The following TNIK variants were observed in gnomAD, a reference collection of about 807,000 sequenced individuals.
The protein encoded by TNIK is TRAF2 and NCK-interacting protein kinase.
In TNIK, 49 loss-of-function variants were observed where a neutral mutation model predicts 191.3. The observed-to-expected ratio is 0.26, with a 90% CI of 0.20 to 0.32. The LOEUF (loss-of-function observed/expected upper bound fraction) is 0.32, where lower values mean the gene tolerates loss of function less well. TNIK is among the 10% of genes least tolerant of loss of function. The pLI is 1.00. For missense variants in TNIK, 1,155 were observed against 1,702.3 expected, an observed-to-expected ratio of 0.68 and a Z score of 5.66; for synonymous variants, 594 against 600.9, an observed-to-expected ratio of 0.99 and a Z score of 0.17.
chr3:171,375,536 C>T (rs373808878), intron 1 of TNIK, among the ~76,000 whole-genome samples: 7 of 151,332 alleles, frequency 4.6e-5, no homozygotes, highest in African/African-American at 1.7e-4. Flanking sequence ...TTTCTTTCAG[C>T]TGATGAAATT....
intron 15 of TNIK, among the ~76,000 whole-genome samples, chr3:171,130,587 G>A (rs1729109079): frequency 6.6e-6 from 1 of 152,156 alleles, no homozygotes; most frequent in South Asian, 2.1e-4. Flanking sequence ...AGAAGAAAAA[G>A]TCCCACAAAG....
intron 1 of TNIK, among the ~76,000 whole-genome samples, chr3:171,400,457 T>C (rs1350230373): frequency 2.0e-5 from 3 of 151,926 alleles, no homozygotes; most frequent in Non-Finnish European, 4.4e-5. Flanking sequence ...TAGTCCCAGA[T>C]ACTTGGGAGG....
In TNIK at chr3:171,460,113, C is replaced by A; in HGVS notation, c.-50G>T. ...GACCAAAACCACCCCGAAGCTTTTC[C>A]CTTGGAAATTCCACCTTGGTCTATT... On this transcript the variant is annotated 5_prime_UTR_variant, in exon 1 of 33. Transcript: ENST00000436636. The surrounding 1 kb of genome is among the most constrained non-coding windows in gnomAD (Gnocchi z 6.8). 1 of 1,569,468 alleles carries A rather than the reference C, an allele frequency of 6.4e-7. No homozygotes were observed. Among genetic ancestry groups the A allele is most frequent in the South Asian group, 1.2e-5 (1 of 85,328 alleles).
intron 2 of TNIK, among the ~76,000 whole-genome samples, chr3:171,300,729 A>G (rs1157252623): frequency 6.6e-6 from 1 of 152,086 alleles, no homozygotes; most frequent in Non-Finnish European, 1.5e-5. Context: ...TCTTTTTATG[A>G]TTTTCTCAAC....
chr3:171,369,147 G>A lies in TNIK; in HGVS notation c.123+473C>T, dbSNP rs374213744. On this transcript the variant is annotated intron_variant, in intron 2 of 32. Coordinates refer to ENST00000436636, the MANE Select transcript of TNIK (RefSeq NM_015028.4). ...TTTTAATTATTTCCTAAAATTCGTC[G>A]CTGCTATTAAGCTTTTGCTTTGTGA... Among the ~76,000 whole-genome samples, 3 of 152,046 alleles carry A rather than the reference G, an allele frequency of 2.0e-5. No homozygotes were observed. In the South Asian group the frequency reaches 6.2e-4, roughly 32 times the overall value.
chr3:171,319,508 G>C lies in TNIK; in HGVS notation c.123+50112C>G, dbSNP rs1181567141. 2.3e-4 allele frequency among the ~76,000 whole-genome samples: 35 copies of C among 151,802 alleles called. 1 individual carries two copies. The highest frequency in any genetic ancestry group is 2.3e-3 in the Admixed American group (35 of 15,250). On this transcript the variant is annotated intron_variant, in intron 2 of 32. Coordinates refer to ENST00000436636, the MANE Select transcript of TNIK (RefSeq NM_015028.4). The stretch of plus-strand genomic sequence containing the variant: ...TTTTTTAATAGCTTTGGGAAGATTT[G>C]GGGGAAAAAAAAAGAGTTTCAGAGC...
chr3:171,127,666 T>A (rs1008676136), intron 16 of TNIK, among the ~76,000 whole-genome samples: 1 of 152,156 alleles, frequency 6.6e-6, no homozygotes, highest in Non-Finnish European at 1.5e-5. Context: ...AAAATGTATC[T>A]TTTTGAGGGT....
chr3:171,109,622 G>T (rs542810133), intron 19 of TNIK, among the ~76,000 whole-genome samples: 7 of 152,264 alleles, frequency 4.6e-5, no homozygotes, highest in Non-Finnish European at 1.0e-4. Flanking sequence ...TTCTCATGAG[G>T]CTTTCATCAG....
intron 7 of TNIK, 65 bp from the exon 8 acceptor site, chr3:171,177,445 G>C (rs1482502425): frequency 6.5e-7 from 1 of 1,540,362 alleles, no homozygotes; most frequent in Non-Finnish European, 8.8e-7. Context: ...GTTAAACCTG[G>C]TAATTGCTTC....
At chr3:171,257,325 G>A (rs1363396502) in intron 2 of TNIK, among the ~76,000 whole-genome samples, 1 of 151,622 alleles carries the variant, frequency 6.6e-6, no homozygotes, top group Non-Finnish European at 1.5e-5. Flanking sequence ...AATTTACTTA[G>A]CATTACAGGA....
At chr3:171,423,189 C>T (rs1396439833) in intron 1 of TNIK, among the ~76,000 whole-genome samples, 1 of 152,114 alleles carries the variant, frequency 6.6e-6, no homozygotes, top group East Asian at 1.9e-4. Context: ...ACACCAATAA[C>T]GGACAAACAG....
chr3:171,252,511 C>A (rs771294022), intron 2 of TNIK, among the ~76,000 whole-genome samples: 4 of 152,126 alleles, frequency 2.6e-5, no homozygotes, highest in Non-Finnish European at 5.9e-5. Flanking sequence ...TAGGAAGCTG[C>A]CTTATGTTAA....
intron 2 of TNIK, among the ~76,000 whole-genome samples, chr3:171,312,805 G>T (rs1030305670): frequency 3.3e-5 from 5 of 151,824 alleles, no homozygotes; most frequent in Non-Finnish European, 1.5e-5. Flanking sequence ...TACTACTTTG[G>T]CTTTCACAAG....
chr3:171,122,972 A>C (rs1727959191), intron 18 of TNIK, among the ~76,000 whole-genome samples: 1 of 152,202 alleles, frequency 6.6e-6, no homozygotes, highest in Admixed American at 6.5e-5. Context: ...CAACTTTCTG[A>C]CTGTAGGAAT....
chr3:171,114,354 A>G (rs1726361327), intron 18 of TNIK, among the ~76,000 whole-genome samples: 1 of 152,218 alleles, frequency 6.6e-6, no homozygotes, highest in South Asian at 2.1e-4. Flanking sequence ...AGTATGTATC[A>G]GGCACTCTGT....
At chr3:171,199,514 G>T (rs181824240) in intron 4 of TNIK, among the ~76,000 whole-genome samples, 1 of 152,228 alleles carries the variant, frequency 6.6e-6, no homozygotes. Context: ...CAGGCACTGG[G>T]TGAAGCGATT....
chr3:171,172,001 G>T lies in TNIK; in HGVS notation c.773+3251C>A, dbSNP rs571019631. 3.3e-5 allele frequency among the ~76,000 whole-genome samples: 5 copies of T among 152,166 alleles called. No homozygotes were observed. The South Asian group carries it at 8.3e-4, about 25-fold the overall frequency. ...AACTTCATCATCCCATACCACAAAGGCCTCTCCTCATCATACCAATAGGGA... is the reference window on the plus strand; with the variant it reads ...AACTTCATCATCCCATACCACAAAGTCCTCTCCTCATCATACCAATAGGGA... On this transcript the variant is annotated intron_variant, in intron 9 of 32. Transcript: ENST00000436636.
chr3:171,085,634 A>C (rs1222594908), intron 24 of TNIK, among the ~76,000 whole-genome samples: 1 of 152,230 alleles, frequency 6.6e-6, no homozygotes, highest in Non-Finnish European at 1.5e-5. Context: ...CCTATACAGC[A>C]GTACTTTATC....
chr3:171,293,236 A>C (rs1387689170), intron 2 of TNIK, among the ~76,000 whole-genome samples: 2 of 152,212 alleles, frequency 1.3e-5, no homozygotes, highest in Admixed American at 6.5e-5. Flanking sequence ...CAAACTTGAA[A>C]TGATGAACTA....
Sources: gnomAD v4.1 joint callset for allele counts (sites outside exome capture counted in the v4.1 genomes callset) on GRCh38, gnomAD v4.1.1 for gene constraint, Gnocchi (gnomAD v3.1) non-coding constraint, MANE v1.5 for transcripts, NCBI Gene and HGNC (gene_info 2026-07-23, HGNC 2026-07-21) for gene names.